Variants in CCDC88A observed in about 807,000 individuals in gnomAD.
The protein encoded by CCDC88A is girdin.
CCDC88A carries 54 observed loss-of-function variants against 234.3 expected under a neutral mutation model. That is an observed-to-expected ratio of 0.23 (90% CI 0.19 to 0.29). CCDC88A has a LOEUF of 0.29. Among genes scored for constraint, CCDC88A ranks in the 10% least tolerant of loss-of-function variants. CCDC88A has a pLI of 1.00. For missense variants in CCDC88A, 1,832 were observed against 2,123.4 expected, an observed-to-expected ratio of 0.86 and a Z score of 2.70; for synonymous variants, 753 against 737.8, an observed-to-expected ratio of 1.02 and a Z score of -0.33.
chr2:55,381,531 C>G (rs1574377510), intron 3 of CCDC88A, among the ~76,000 whole-genome samples: 1 of 102,264 alleles, frequency 9.8e-6, no homozygotes, highest in South Asian at 3.1e-4. Flanking sequence ...CCAGCCTGGG[C>G]AACAGAGTGA....
At chr2:55,386,462 T>TTTTATTTTAA (rs1675664716) in intron 3 of CCDC88A, among the ~76,000 whole-genome samples, 1 of 150,258 alleles carries the variant, frequency 6.7e-6, no homozygotes, top group Non-Finnish European at 1.5e-5. Flanking sequence ...GTAGATTGTA[T>TTTTATTTTAA]TTTATTTTAT....
At chr2:55,412,388 G>T (rs764950217) in intron 2 of CCDC88A, among the ~76,000 whole-genome samples, 6 of 152,202 alleles carry the variant, frequency 3.9e-5, no homozygotes, top group Admixed American at 6.5e-5. Flanking sequence ...TAACCCCTGG[G>T]CCATGGATTG....
At chr2:55,392,271 C>A (rs7589390) in intron 2 of CCDC88A, among the ~76,000 whole-genome samples, 46,177 of 151,984 alleles carry the variant, frequency 0.3, 7,429 homozygotes, top group East Asian at 0.54. Context: ...GGGCAAGACG[C>A]CCTGACTAAA....
intron 31 of CCDC88A, chr2:55,295,327 C>G: frequency 6.7e-7 from 1 of 1,488,222 alleles, no homozygotes; most frequent in Non-Finnish European, 9.0e-7. Context: ...CTAACTAATT[C>G]TGTATTCAGG....
chr2:55,289,773 GAA>G lies in CCDC88A; in HGVS notation c.*1425_*1426del, dbSNP rs1458629874. The G allele has an allele frequency of 5.8e-5, 2 of 34,434 alleles. No homozygotes were observed. Among genetic ancestry groups the G allele is most frequent in the African/African-American group, 1.3e-4 (2 of 15,612 alleles). 2.1% of individuals were successfully genotyped at this position (34,434 alleles called of 1,614,324 possible). A position where few individuals can be genotyped will look rare whatever the true frequency, so the allele number is the denominator to read the frequency against. The stretch of plus-strand genomic sequence containing the variant: ...AAAGAGAGAGAGAAAGAGGGAGAGA[GAA>G]AGAGAGAGAGAGAGAGAGAGAGAGA... On this transcript the variant is annotated 3_prime_UTR_variant, in exon 33 of 33. Transcript: ENST00000436346.
chr2:55,322,499 T>G, intron 18 of CCDC88A, 29 bp downstream of exon 18: 1 of 1,361,996 alleles, frequency 7.3e-7, no homozygotes, highest in Non-Finnish European at 1.0e-6. Flanking sequence ...TAAAAAAAAC[T>G]ATTTCTACTA....
chr2:55,373,228 T>G (rs1673098704), intron 4 of CCDC88A, among the ~76,000 whole-genome samples: 1 of 152,198 alleles, frequency 6.6e-6, no homozygotes, highest in African/African-American at 2.4e-5. Flanking sequence ...AGACATTTCC[T>G]TCTACTCTCC....
At chr2:55,395,850 C>T (rs1256705048) in intron 2 of CCDC88A, among the ~76,000 whole-genome samples, 1 of 152,136 alleles carries the variant, frequency 6.6e-6, no homozygotes, top group African/African-American at 2.4e-5. Flanking sequence ...TAGTGAAAAA[C>T]TCAGAATAGC....
At chr2:55,339,793 A>G (rs1306799111) in intron 12 of CCDC88A, 145 bp from the exon 13 acceptor site, 1 of 559,630 alleles carries the variant, frequency 1.8e-6, no homozygotes, top group Non-Finnish European at 2.9e-6. Flanking sequence ...TATATAAGAT[A>G]AACAAGATAA....
intron 3 of CCDC88A, among the ~76,000 whole-genome samples, chr2:55,379,333 T>G (rs1012522583): frequency 1.3e-5 from 2 of 152,160 alleles, no homozygotes; most frequent in Admixed American, 6.6e-5. Context: ...AATGCATGTA[T>G]ATAAACTAAT....
chr2:55,368,164 C>A (rs999161026), intron 5 of CCDC88A, among the ~76,000 whole-genome samples: 1 of 152,010 alleles, frequency 6.6e-6, no homozygotes. Flanking sequence ...CTTGGGTTGC[C>A]CATTGAAAAA....
rs1466610396 is a variant in CCDC88A at position 55,371,193 on chromosome 2, G to A, written c.402+1259C>T. ...TATAGTACATAAAGGCTGTAAATAC[G>A]AGTTGTGTTTCTAACTCAAAATCTG... On this transcript the variant is annotated intron_variant, in intron 5 of 32. Transcript: ENST00000436346. 3.3e-5 allele frequency among the ~76,000 whole-genome samples: 5 copies of A among 152,084 alleles called. No individual in the cohort carries two copies. The South Asian group carries it at 6.2e-4, about 19-fold the overall frequency.
chr2:55,310,308 G>A (rs1416706795), intron 23 of CCDC88A, among the ~76,000 whole-genome samples: 3 of 152,184 alleles, frequency 2.0e-5, no homozygotes, highest in African/African-American at 4.8e-5. Context: ...AAGGCAGGGC[G>A]TGGTGGCTCA....
chr2:55,381,096 A>T (rs1212015457), intron 3 of CCDC88A, among the ~76,000 whole-genome samples: 1 of 152,158 alleles, frequency 6.6e-6, no homozygotes, highest in Non-Finnish European at 1.5e-5. Flanking sequence ...TTGTGTTACA[A>T]CTGCCTACAG....
At chr2:55,405,133 C>T (rs1164266862) in intron 2 of CCDC88A, 1 of 152,266 alleles carries the variant, frequency 6.6e-6, no homozygotes, top group Non-Finnish European at 1.5e-5. Flanking sequence ...AGTCCCCTCA[C>T]CATTTCCCAA....
chr2:55,330,568 T>G (rs903140845), intron 16 of CCDC88A, among the ~76,000 whole-genome samples: 3 of 152,150 alleles, frequency 2.0e-5, no homozygotes, highest in Non-Finnish European at 4.4e-5. Context: ...GAATGGCACA[T>G]TAAAGGAATT....
intron 18 of CCDC88A, among the ~76,000 whole-genome samples, chr2:55,322,265 G>A (rs1440033617): frequency 6.6e-6 from 1 of 152,124 alleles, no homozygotes; most frequent in Non-Finnish European, 1.5e-5. Context: ...CTTTACTGGG[G>A]GAAGAAGTCA....
intron 26 of CCDC88A, chr2:55,302,589 G>A (rs1171200013): frequency 1.2e-5 from 2 of 160,560 alleles, no homozygotes; most frequent in African/African-American, 4.8e-5. Flanking sequence ...ATGTGATTAT[G>A]TAACTACCCA....
At chr2:55,379,028 G>C (rs984603988) in intron 3 of CCDC88A, among the ~76,000 whole-genome samples, 1 of 152,136 alleles carries the variant, frequency 6.6e-6, no homozygotes, top group African/African-American at 2.4e-5. Flanking sequence ...TTACAGGCAT[G>C]AACCACTGCG....
Sources: allele counts gnomAD v4.1 joint callset (sites outside exome capture counted in the v4.1 genomes callset), GRCh38; gene constraint gnomAD v4.1.1; transcripts MANE v1.5; gene names NCBI Gene and HGNC (gene_info 2026-07-23, HGNC 2026-07-21).